Variants in FIG4 observed in about 807,000 individuals in gnomAD.
FIG4 encodes the protein FIG4 phosphoinositide 5-phosphatase, also known as polyphosphoinositide phosphatase.
FIG4 carries 112 observed loss-of-function variants against 118.6 expected under a neutral mutation model. The ratio of observed to expected loss-of-function variants is 0.94; its 90% CI spans 0.81 to 1.11. The LOEUF (loss-of-function observed/expected upper bound fraction) is 1.11. FIG4 is among the 50% of genes least tolerant of loss of function. The probability of loss-of-function intolerance (pLI) is 0.00; values close to 1 mark genes in which losing one functional copy is unlikely to be tolerated. For synonymous variants in FIG4, 369 were observed against 381.2 expected (o/e 0.97, Z 0.37); for missense variants, 969 against 1,111.7 (o/e 0.87, Z 1.83).
chr6:109,725,940 G>A (rs1775793769), intron 3 of FIG4, among the ~76,000 whole-genome samples: 1 of 151,978 alleles, frequency 6.6e-6, no homozygotes. Flanking sequence ...ACTTTTTGAT[G>A]GGGTTGTTTG....
At position 109,732,815 on chromosome 6, in the gene FIG4, T is replaced by G. The variant is rs2128385245; in HGVS notation, c.497+128T>G. 8.1e-6 allele frequency: 5 copies of G among 617,066 alleles called. No homozygotes were observed. In the South Asian group the frequency reaches 9.7e-5, roughly 12 times the overall value. The allele number at this position is 617,066 out of a possible 1,614,324, so 38.2% of individuals were successfully genotyped here. A position where few individuals can be genotyped will look rare whatever the true frequency, so the allele number is the denominator to read the frequency against. On this transcript the variant is annotated intron_variant, in intron 5 of 22. Transcript: ENST00000230124. ...TTTAGTCAACTTGTTTTATCTAAAA[T>G]CATTAAAATATAGCTATTTCTTCCT...
chr6:109,790,924 T>G (rs1445925634), intron 19 of FIG4, among the ~76,000 whole-genome samples: 2 of 152,232 alleles, frequency 1.3e-5, no homozygotes, highest in Non-Finnish European at 2.9e-5. Context: ...ATTATTTGGA[T>G]ACACTATGAT....
chr6:109,730,791 G>A (rs1181137159), intron 4 of FIG4, among the ~76,000 whole-genome samples: 1 of 152,000 alleles, frequency 6.6e-6, no homozygotes. Flanking sequence ...ATAATTTTAA[G>A]AAAATAAAGG....
At chr6:109,778,239 T>G (rs1777677407) in intron 16 of FIG4, among the ~76,000 whole-genome samples, 1 of 151,660 alleles carries the variant, frequency 6.6e-6, no homozygotes, top group Non-Finnish European at 1.5e-5. Context: ...GGCGGGAGGA[T>G]TACCTGAGGT....
chr6:109,702,727 G>T (rs1427715604), intron 1 of FIG4, among the ~76,000 whole-genome samples: 2 of 151,950 alleles, frequency 1.3e-5, no homozygotes, highest in East Asian at 3.9e-4. Context: ...GGGGCCCTTT[G>T]CTTCTTCAGA....
At chr6:109,794,703 C>T (rs1266793109) in intron 21 of FIG4, among the ~76,000 whole-genome samples, 1 of 152,188 alleles carries the variant, frequency 6.6e-6, no homozygotes, top group Non-Finnish European at 1.5e-5. Flanking sequence ...GGTAGTTCTG[C>T]GCTGAATTGG....
chr6:109,799,735 G>T (rs774931496), intron 22 of FIG4, among the ~76,000 whole-genome samples: 1 of 152,156 alleles, frequency 6.6e-6, no homozygotes, highest in Non-Finnish European at 1.5e-5. Flanking sequence ...TGGAACAGGG[G>T]CTCTTGAAAT....
chr6:109,738,440 C>T lies in FIG4; in HGVS notation c.762C>T (p.Phe254=), dbSNP rs201013726. ...GGCTTTTGTATATTATTCATGGGTT[C>T]TGTGGGCAGTCAAGTATCCTTTCTG... The part of the protein sequence containing the change: ...RDWLLYIIHG[F]CGQSKLLIYG... Residue 254 remains phenylalanine, a synonymous_variant, in exon 7 of 23, where the codon TTC becomes TTT. Transcript: ENST00000230124. The T allele has an allele frequency of 4.3e-6, 7 of 1,612,528 alleles. No individual in the cohort carries two copies. Among genetic ancestry groups the T allele is most frequent in the East Asian group, 4.5e-5 (2 of 44,792 alleles).
chr6:109,767,842 A>G (rs542145679), intron 15 of FIG4, among the ~76,000 whole-genome samples: 1 of 152,130 alleles, frequency 6.6e-6, no homozygotes, highest in Admixed American at 6.5e-5. Context: ...ACTGCACTCC[A>G]GCCTGGGCGA....
chr6:109,713,662 A>G (rs573522345), intron 1 of FIG4, among the ~76,000 whole-genome samples: 1 of 152,264 alleles, frequency 6.6e-6, no homozygotes, highest in Admixed American at 6.5e-5. Flanking sequence ...AAGGAAGACA[A>G]AACCCACCTG....
chr6:109,699,332 A>G (rs1774829808), intron 1 of FIG4, among the ~76,000 whole-genome samples: 1 of 152,028 alleles, frequency 6.6e-6, no homozygotes, highest in Admixed American at 6.6e-5. Flanking sequence ...TTTATTTCTG[A>G]CATTGGTGTT....
At chr6:109,773,612 C>CGCTA (rs1562675941) in intron 15 of FIG4, among the ~76,000 whole-genome samples, 2 of 152,232 alleles carry the variant, frequency 1.3e-5, no homozygotes, top group African/African-American at 4.8e-5. Flanking sequence ...ACTTCTGACA[C>CGCTA]GCTAGTCCAC....
intron 1 of FIG4, among the ~76,000 whole-genome samples, chr6:109,702,385 G>A (rs1355668021): frequency 6.6e-6 from 1 of 152,100 alleles, no homozygotes; most frequent in Non-Finnish European, 1.5e-5. Flanking sequence ...GTAAGCTTTT[G>A]CCTGAACAAT....
intron 22 of FIG4, among the ~76,000 whole-genome samples, chr6:109,808,640 C>G (rs1452274156): frequency 6.6e-6 from 1 of 151,740 alleles, no homozygotes; most frequent in Non-Finnish European, 1.5e-5. Context: ...TCACCAAACA[C>G]CAATTGAAAT....
At chr6:109,734,919 G>A (rs1490024947) in intron 5 of FIG4, among the ~76,000 whole-genome samples, 1 of 152,146 alleles carries the variant, frequency 6.6e-6, no homozygotes, top group East Asian at 1.9e-4. Flanking sequence ...TACTGACATT[G>A]TATTGTATAT....
intron 1 of FIG4, among the ~76,000 whole-genome samples, chr6:109,694,052 T>G (rs116347598): frequency 0.021 from 3,184 of 152,162 alleles, 100 homozygotes; most frequent in African/African-American, 0.074. Flanking sequence ...GCTCAAAATA[T>G]TCTACATATA....
At chr6:109,791,253 A>G in intron 19 of FIG4, 123 bp from the exon 20 acceptor site, 1 of 825,592 alleles carries the variant, frequency 1.2e-6, no homozygotes, top group Non-Finnish European at 2.0e-6. Context: ...CTGAATCCAG[A>G]AACTAGTGTC....
intron 16 of FIG4, among the ~76,000 whole-genome samples, chr6:109,781,963 C>T (rs1777819496): frequency 6.6e-6 from 1 of 151,832 alleles, no homozygotes; most frequent in African/African-American, 2.4e-5. Context: ...ATTGCCCTGC[C>T]CATATTTCTC....
At chr6:109,784,318 C>G (rs912118108) in intron 16 of FIG4, among the ~76,000 whole-genome samples, 2 of 152,166 alleles carry the variant, frequency 1.3e-5, no homozygotes, top group Non-Finnish European at 2.9e-5. Flanking sequence ...AGCAGACGAG[C>G]CTTCTAGCAG....
Sources: allele counts gnomAD v4.1 joint callset (sites outside exome capture counted in the v4.1 genomes callset), GRCh38; gene constraint gnomAD v4.1.1; transcripts MANE v1.5; gene names NCBI Gene and HGNC (gene_info 2026-07-23, HGNC 2026-07-21).